Variants in HS6ST2 observed in about 807,000 individuals in gnomAD.
HS6ST2 encodes the protein heparan sulfate 6-O-sulfotransferase 2.
A neutral mutation model predicts 33.0 loss-of-function variants in HS6ST2; 17 were observed. That is an observed-to-expected ratio of 0.52 (90% CI 0.35 to 0.77). The LOEUF is 0.77. Ranked by LOEUF, HS6ST2 falls within the 30% of genes least tolerant of loss-of-function variation. HS6ST2 has a pLI of 0.01. For missense variants in HS6ST2, 519 were observed against 551.7 expected (o/e 0.94, Z 0.59); for synonymous variants, 248 against 237.1 (o/e 1.05, Z -0.42).
chrX:132,834,458 A>G (rs1342945815), intron 2 of HS6ST2, among the ~76,000 whole-genome samples: 1 of 111,711 alleles, frequency 9.0e-6, no homozygotes. Context: ...GCTTTAGGTC[A>G]TTCATACAGT....
intron 2 of HS6ST2, among the ~76,000 whole-genome samples, chrX:132,940,049 G>A (rs983985617): frequency 2.7e-5 from 3 of 112,190 alleles, no homozygotes; most frequent in Non-Finnish European, 5.6e-5. Flanking sequence ...TTCAAAACTA[G>A]CTACAAAGCA....
At chrX:132,721,382 G>A (rs1043440066) in intron 2 of HS6ST2, among the ~76,000 whole-genome samples, 8 of 112,012 alleles carry the variant, frequency 7.1e-5, no homozygotes, top group Non-Finnish European at 1.1e-4. Context: ...TGAAACAAAT[G>A]ATAGTAGAAG....
intron 2 of HS6ST2, among the ~76,000 whole-genome samples, chrX:132,884,146 A>T (rs1400985950): frequency 9.0e-6 from 1 of 111,570 alleles, no homozygotes; most frequent in Non-Finnish European, 1.9e-5. Context: ...CATGTGGCTC[A>T]TGGATTTTGT....
At position 132,653,168 on chromosome X, in the gene HS6ST2, C is replaced by A. The variant is rs748039076; in HGVS notation, c.1067+15945G>T. Among the ~76,000 whole-genome samples the A allele has an allele frequency of 1.4e-4, 16 of 111,215 alleles. 1 individual carries two copies. The highest frequency in any genetic ancestry group is 8.4e-3 in the Middle Eastern group (2 of 237). ...TGAAGTTTGGCAATGGTGAAGTGAC[C>A]ATTTTTTAAAGTATTAGGGGAAAAC... is the stretch of plus-strand genomic sequence containing the variant. On this transcript the variant is annotated intron_variant, in intron 4 of 4. Transcript: ENST00000370833.
At chrX:132,695,504 A>G (rs1413798204) in intron 3 of HS6ST2, among the ~76,000 whole-genome samples, 2 of 112,011 alleles carry the variant, frequency 1.8e-5, no homozygotes, top group Non-Finnish European at 1.9e-5. Flanking sequence ...GGTACCTACT[A>G]TCAGCTCATG....
chrX:132,940,648 T>C (rs1312008586), intron 2 of HS6ST2, among the ~76,000 whole-genome samples: 1 of 111,964 alleles, frequency 8.9e-6, no homozygotes, highest in Admixed American at 9.5e-5. Context: ...CCAGAGAAGA[T>C]ACTCAAATGG....
At chrX:132,950,214 G>A (rs182705825) in intron 2 of HS6ST2, among the ~76,000 whole-genome samples, 34 of 111,488 alleles carry the variant, frequency 3.0e-4, no homozygotes, top group Non-Finnish European at 4.9e-4. Flanking sequence ...CGAAGGCAGG[G>A]ACCACATCTA....
At chrX:132,817,894 A>G (rs2065410560) in intron 2 of HS6ST2, among the ~76,000 whole-genome samples, 1 of 111,887 alleles carries the variant, frequency 8.9e-6, no homozygotes, top group African/African-American at 3.2e-5. Context: ...GCTTAAGTTC[A>G]TGCACATATT....
intron 2 of HS6ST2, among the ~76,000 whole-genome samples, chrX:132,713,948 C>T (rs1315155569): frequency 3.6e-5 from 4 of 111,795 alleles, no homozygotes; most frequent in Non-Finnish European, 7.5e-5. Context: ...GTTTGATCTC[C>T]AGTCCTATGA....
chrX:132,873,180 T>C (rs1257141950), intron 2 of HS6ST2, among the ~76,000 whole-genome samples: 1 of 112,039 alleles, frequency 8.9e-6, no homozygotes, highest in Non-Finnish European at 1.9e-5. Context: ...TGCTCTGTTT[T>C]ACTCTATTAC....
intron 2 of HS6ST2, among the ~76,000 whole-genome samples, chrX:132,816,585 G>T (rs1448846460): frequency 8.9e-6 from 1 of 112,236 alleles, no homozygotes; most frequent in Non-Finnish European, 1.9e-5. Flanking sequence ...ATAGTCTGAA[G>T]TTTGTGCAAG....
At chrX:132,777,837 G>C (rs950455143) in intron 2 of HS6ST2, among the ~76,000 whole-genome samples, 1 of 111,485 alleles carries the variant, frequency 9.0e-6, no homozygotes, top group African/African-American at 3.3e-5. Flanking sequence ...CCTTACTAAG[G>C]AAATGGGGAC....
intron 2 of HS6ST2, among the ~76,000 whole-genome samples, chrX:132,731,395 G>A (rs952585094): frequency 8.9e-6 from 1 of 112,100 alleles, no homozygotes; most frequent in African/African-American, 3.2e-5. Flanking sequence ...GGAGATGGGA[G>A]TTGCTCTGGA....
chrX:132,627,980 G>A lies in HS6ST2; in HGVS notation c.*243C>T. On this transcript the variant is annotated 3_prime_UTR_variant, in exon 5 of 5. Transcript: ENST00000370833. ...CAGCAATTTCTGGTGAGTCTGGTTT[G>A]GCTTTCGGATTTCATATTTAGTCCA... is the stretch of plus-strand genomic sequence containing the variant. The A allele has an allele frequency of 3.7e-6, 1 of 271,380 alleles. No individual in the cohort carries two copies. The highest frequency in any genetic ancestry group is 6.5e-6 in the Non-Finnish European group (1 of 153,640). 22.4% of individuals were successfully genotyped at this position (271,380 alleles called of 1,213,427 possible). A position where few individuals can be genotyped will look rare whatever the true frequency, so the allele number is the denominator to read the frequency against.
intron 2 of HS6ST2, among the ~76,000 whole-genome samples, chrX:132,899,220 A>G (rs2066406113): frequency 8.9e-6 from 1 of 111,947 alleles, no homozygotes; most frequent in African/African-American, 3.2e-5. Context: ...ACAATATAAA[A>G]TCCATAATGT....
At chrX:132,646,365 A>G (rs182932154) in intron 4 of HS6ST2, among the ~76,000 whole-genome samples, 2 of 110,383 alleles carry the variant, frequency 1.8e-5, no homozygotes, top group African/African-American at 3.3e-5. Context: ...GAGGGACTAA[A>G]TGACCTCTAA....
At chrX:132,692,940 G>A (rs867037245) in intron 3 of HS6ST2, among the ~76,000 whole-genome samples, 10 of 111,329 alleles carry the variant, frequency 9.0e-5, no homozygotes, top group African/African-American at 3.3e-4. Context: ...CTCGGCAAAT[G>A]TTTGTTGAAT....
intron 4 of HS6ST2, among the ~76,000 whole-genome samples, chrX:132,646,842 C>T (rs1314240660): frequency 3.6e-5 from 4 of 111,667 alleles, no homozygotes; most frequent in East Asian, 2.8e-4. Flanking sequence ...ACAGTCATGG[C>T]GGAAGGCAAA....
At chrX:132,869,193 A>G (rs758272913) in intron 2 of HS6ST2, among the ~76,000 whole-genome samples, 1 of 111,807 alleles carries the variant, frequency 8.9e-6, no homozygotes, top group Non-Finnish European at 1.9e-5. Flanking sequence ...AAATGGGTAA[A>G]TTCCTGGACA....
Sources: allele counts gnomAD v4.1 joint callset (sites outside exome capture counted in the v4.1 genomes callset), GRCh38; gene constraint gnomAD v4.1.1; transcripts MANE v1.5; gene names NCBI Gene and HGNC (gene_info 2026-07-23, HGNC 2026-07-21).